CMIP: variants seen among roughly 807,000 people sequenced by gnomAD.
CMIP encodes the protein c-Maf inducing protein, also known as C-Maf-inducing protein.
In CMIP, 13 loss-of-function variants were observed where a neutral mutation model predicts 97.3. The observed-to-expected ratio is 0.13, with a 90% confidence interval of 0.09 to 0.21. The LOEUF is 0.21. Ranked by LOEUF, CMIP falls within the 10% of genes least tolerant of loss-of-function variation. The pLI, the probability that CMIP is intolerant of heterozygous loss-of-function variation, is 1.00. For missense variants in CMIP, 847 were observed against 1,024.9 expected (o/e 0.83, Z 2.37); for synonymous variants, 538 against 436.3 (o/e 1.23, Z -2.91).
intron 1 of CMIP, among the ~76,000 whole-genome samples, chr16:81,552,752 C>T (rs536191249): frequency 1.3e-5 from 2 of 152,338 alleles, no homozygotes; most frequent in East Asian, 3.9e-4. Context: ...ATCTTTGGAG[C>T]TGCTCTTGTG....
intron 3 of CMIP, among the ~76,000 whole-genome samples, chr16:81,629,755 G>A (rs961203743): frequency 6.6e-6 from 1 of 152,238 alleles, no homozygotes; most frequent in African/African-American, 2.4e-5. Flanking sequence ...GTGCCACAGC[G>A]CCCAAGGGAG....
At chr16:81,500,180 A>C (rs114712979) in intron 1 of CMIP, among the ~76,000 whole-genome samples, 1 of 152,000 alleles carries the variant, frequency 6.6e-6, no homozygotes, top group African/African-American at 2.4e-5. Context: ...ATCGGTGAAC[A>C]TGACGCCATG....
Position 81,673,078 on chromosome 16 carries a change from G to A in CMIP, c.1034+1008G>A, listed in dbSNP as rs116973791. Reference sequence around the variant, plus strand: ...GGGGTAGCAAGTGACCGGAAGAGGTGGCAGGGCAGGGCCACGACCTGGCTT... The same window carrying A: ...GGGGTAGCAAGTGACCGGAAGAGGTAGCAGGGCAGGGCCACGACCTGGCTT... On this transcript the variant is annotated intron_variant, in intron 9 of 20. Coordinates refer to ENST00000537098, the MANE Select transcript of CMIP (RefSeq NM_198390.3). Among the ~76,000 whole-genome samples the A allele has an allele frequency of 4.1e-4, 62 of 152,346 alleles. No individual in the cohort carries two copies. In the East Asian group the frequency reaches 0.011, roughly 27 times the overall value.
intron 2 of CMIP, among the ~76,000 whole-genome samples, chr16:81,612,318 T>C (rs1037050759): frequency 1.3e-5 from 2 of 151,768 alleles, no homozygotes; most frequent in Admixed American, 6.6e-5. Context: ...CTCCCAAGAG[T>C]GTCTGCTTCT....
chr16:81,681,150 G>A (rs1198840797), intron 10 of CMIP, among the ~76,000 whole-genome samples: 1 of 152,182 alleles, frequency 6.6e-6, no homozygotes, highest in Non-Finnish European at 1.5e-5. Context: ...CTATCCCCAA[G>A]CCCTCCACAA....
chr16:81,562,610 A>G (rs995856123), intron 1 of CMIP, among the ~76,000 whole-genome samples: 1 of 152,186 alleles, frequency 6.6e-6, no homozygotes, highest in Admixed American at 6.5e-5. Context: ...AGCCACGCCC[A>G]CGCCCATGCC....
At chr16:81,449,175 C>T (rs977583749) in intron 1 of CMIP, among the ~76,000 whole-genome samples, 2 of 152,186 alleles carry the variant, frequency 1.3e-5, no homozygotes, top group Admixed American at 6.5e-5. Flanking sequence ...ATGTGGCACA[C>T]GGTATTTCAG....
chr16:81,692,094 A>G (rs1188959538), intron 11 of CMIP, among the ~76,000 whole-genome samples: 4 of 152,140 alleles, frequency 2.6e-5, no homozygotes, highest in African/African-American at 9.7e-5. Flanking sequence ...TGTCACAAGG[A>G]TTCATGAGCT....
chr16:81,518,865 C>CT (rs1028258954), intron 1 of CMIP: 5 of 133,278 alleles, frequency 3.8e-5, no homozygotes, highest in African/African-American at 1.2e-4. Flanking sequence ...GAGACAGAGT[C>CT]TCACTCTGTT....
chr16:81,527,481 A>C (rs1029274244), intron 1 of CMIP, among the ~76,000 whole-genome samples: 1 of 152,180 alleles, frequency 6.6e-6, no homozygotes, highest in Non-Finnish European at 1.5e-5. Context: ...CTTACTTTCA[A>C]AAGTACACAA....
chr16:81,617,673 T>A (rs2091938142), intron 2 of CMIP: 1 of 152,340 alleles, frequency 6.6e-6, no homozygotes. Flanking sequence ...CCTTTGTTTC[T>A]GTGTTCATTC....
chr16:81,669,930 G>A (rs1037716328), intron 7 of CMIP, among the ~76,000 whole-genome samples: 2 of 152,216 alleles, frequency 1.3e-5, no homozygotes, highest in Non-Finnish European at 2.9e-5. Context: ...CTCATCAGAT[G>A]GTCCTTCAGA....
chr16:81,673,693 T>C lies in CMIP; in HGVS notation c.1034+1623T>C, dbSNP rs569621458. ...ATAGTCACTCACCAGCTCCCATCCC[T>C]CGCTGGCTGAGAACTGCTCCCGGGA... On this transcript the variant is annotated intron_variant, in intron 9 of 20. Coordinates refer to ENST00000537098, the MANE Select transcript of CMIP (RefSeq NM_198390.3). Among the ~76,000 whole-genome samples the C allele has an allele frequency of 2.6e-5, 4 of 152,288 alleles. No homozygotes were observed. The South Asian group carries it at 6.2e-4, about 24-fold the overall frequency.
intron 6 of CMIP, among the ~76,000 whole-genome samples, chr16:81,661,817 C>A (rs1278902578): frequency 5.3e-5 from 8 of 152,046 alleles, no homozygotes; most frequent in African/African-American, 1.7e-4. Context: ...GAAAGGGAGA[C>A]AAGATTCAGT....
chr16:81,530,128 C>T (rs1033692376), intron 1 of CMIP, among the ~76,000 whole-genome samples: 10 of 152,122 alleles, frequency 6.6e-5, no homozygotes, highest in Middle Eastern at 3.2e-3. Flanking sequence ...ATAGATCATT[C>T]GTTGTTAAAA....
chr16:81,497,524 C>T (rs1167276737), intron 1 of CMIP, among the ~76,000 whole-genome samples: 1 of 152,200 alleles, frequency 6.6e-6, no homozygotes, highest in African/African-American at 2.4e-5. Flanking sequence ...CTCATTGTTT[C>T]ATTAGTTTGA....
chr16:81,699,996 C>T (rs544312470), intron 15 of CMIP, among the ~76,000 whole-genome samples, 195 bp downstream of exon 15: 4 of 152,196 alleles, frequency 2.6e-5, no homozygotes, highest in Admixed American at 6.5e-5. Flanking sequence ...TGTTGTGATC[C>T]AGCTGATCCA....
intron 1 of CMIP, among the ~76,000 whole-genome samples, chr16:81,500,752 G>A (rs1487539402): frequency 6.6e-6 from 1 of 151,852 alleles, no homozygotes; most frequent in African/African-American, 2.4e-5. Flanking sequence ...GCCTCCCAAA[G>A]TGTTGGCATT....
rs376326139 is a variant in CMIP at position 81,620,844 on chromosome 16, C to T, written c.427-32C>T. 83 of 1,613,344 alleles carry T rather than the reference C, an allele frequency of 5.1e-5. No individual in the cohort carries two copies. The African/African-American group carries it at 5.2e-4, about 10-fold the overall frequency. On this transcript the variant is annotated intron_variant, in intron 2 of 20. Coordinates refer to ENST00000537098, the MANE Select transcript of CMIP (RefSeq NM_198390.3). Reference sequence around the variant, plus strand: ...CCCTGAGATGCCGCAAGCTGATGACCGGACCTTGCTGTCCTGTTCTTGTCG... The same window carrying T: ...CCCTGAGATGCCGCAAGCTGATGACTGGACCTTGCTGTCCTGTTCTTGTCG...
Sources: allele counts gnomAD v4.1 joint callset (sites outside exome capture counted in the v4.1 genomes callset), GRCh38; gene constraint gnomAD v4.1.1; transcripts MANE v1.5; gene names NCBI Gene and HGNC (gene_info 2026-07-23, HGNC 2026-07-21).